The following PIEZO2 variants were observed in gnomAD, a reference collection of about 807,000 sequenced individuals.
PIEZO2 encodes piezo type mechanosensitive ion channel component 2.
A neutral mutation model predicts 337.3 loss-of-function variants in PIEZO2; 172 were observed. The ratio of observed to expected loss-of-function variants is 0.51; its 90% CI spans 0.45 to 0.58. The LOEUF is 0.58. Among genes scored for constraint, PIEZO2 ranks in the 20% least tolerant of loss-of-function variants. PIEZO2 has a pLI of 0.00. For missense variants in PIEZO2, 3,028 were observed against 3,391.3 expected, an observed-to-expected ratio of 0.89 and a Z score of 2.66; for synonymous variants, 1,251 against 1,228.5, an observed-to-expected ratio of 1.02 and a Z score of -0.38.
Position 11,125,230 on chromosome 18 carries a change from AG to A in PIEZO2, c.64+23294del, listed in dbSNP as rs984660397. 6.6e-6 allele frequency among the ~76,000 whole-genome samples: 1 copy of A among 152,204 alleles called. No homozygotes were observed. Among genetic ancestry groups the A allele is most frequent in the Non-Finnish European group, 1.5e-5 (1 of 68,032 alleles). ...CAGGCAGGATGGGGATACTGCAATA[AG>A]CAAGAAAACCATTATAAGCCCTCTT... is the stretch of plus-strand genomic sequence containing the variant. On this transcript the variant is annotated intron_variant, in intron 1 of 55. Transcript: ENST00000674853. This position sits in a 1 kb window ranked among gnomAD's most constrained non-coding sequence, Gnocchi z 4.4.
chr18:11,007,044 C>T lies in PIEZO2; in HGVS notation c.161-27384G>A, dbSNP rs116460404. Among the ~76,000 whole-genome samples, 1,313 of 152,206 alleles carry T rather than the reference C, an allele frequency of 8.6e-3. 23 individuals carry two copies. The highest frequency in any genetic ancestry group is 0.03 in the African/African-American group (1,230 of 41,532). ...GAATTGGGAACATTTCAAAACTACT[C>T]CTCTATTTATTTTGAGGTATACAAT... is the stretch of plus-strand genomic sequence containing the variant. On this transcript the variant is annotated intron_variant, in intron 2 of 55. Transcript: ENST00000674853.
In PIEZO2 at chr18:10,791,222, T is replaced by A. The variant is rs376057592; in HGVS notation, c.1861A>T (p.Ser621Cys). ...EALLSEVKIGSQENEEKDEEL... is the reference protein window; with the variant it reads ...EALLSEVKIGCQENEEKDEEL... ...TTACCTTTTTCTTCATTTTCCTGACTGCCAATTTTGACTTCCGATAAAAGA... is the reference window on the plus strand; with the variant it reads ...TTACCTTTTTCTTCATTTTCCTGACAGCCAATTTTGACTTCCGATAAAAGA... The change falls in exon 14 of 56, where the codon AGT becomes TGT. Residue 621 changes from serine to cysteine, a missense_variant. Transcript: ENST00000674853. 371 of 1,536,034 alleles carry A rather than the reference T, an allele frequency of 2.4e-4. 1 individual carries two copies. The highest frequency in any genetic ancestry group is 1.6e-4 in the Non-Finnish European group (184 of 1,146,260).
Position 10,736,651 on chromosome 18 carries a change from C to A in PIEZO2, c.4768G>T (p.Glu1590Ter). The change falls in exon 34 of 56, where the codon GAA becomes TAA. Residue 1590 changes from glutamate to a stop codon, truncating the protein, a stop_gained. Coordinates refer to ENST00000674853, the MANE Select transcript of PIEZO2 (RefSeq NM_001378183.1). LOFTEE classifies it high-confidence loss of function. ...ETDSEEEEEE[E>*]LKKEDEEPPR... is the part of the protein sequence containing the mutation. ...GGTTCTTCATCTTCCTTCTTTAATT[C>A]TTCCTCTTCCTCCTCTTCACTATCC... The A allele has an allele frequency of 6.5e-7, 1 of 1,537,118 alleles. No homozygotes were observed. The highest frequency in any genetic ancestry group is 8.7e-7 in the Non-Finnish European group (1 of 1,146,824).
chr18:10,990,712 T>TAC (rs908826536), intron 2 of PIEZO2, among the ~76,000 whole-genome samples: 5 of 150,504 alleles, frequency 3.3e-5, no homozygotes, highest in South Asian at 2.1e-4. Flanking sequence ...TATATACGTG[T>TAC]ACACACACAC....
At chr18:11,040,057 T>C (rs961840560) in intron 2 of PIEZO2, among the ~76,000 whole-genome samples, 6 of 152,012 alleles carry the variant, frequency 3.9e-5, no homozygotes, top group Non-Finnish European at 7.4e-5. Flanking sequence ...TGCTTTAACT[T>C]TTCAGGAAAA....
intron 7 of PIEZO2, among the ~76,000 whole-genome samples, chr18:10,825,449 CTT>C (rs1467359988): frequency 4.0e-5 from 6 of 151,758 alleles, no homozygotes; most frequent in Non-Finnish European, 7.4e-5. Flanking sequence ...ATCAACATGA[CTT>C]ATACCTGATG....
rs531307047 is a variant in PIEZO2, at chr18:11,037,004, C to T, written c.160+29123G>A. On this transcript the variant is annotated intron_variant, in intron 2 of 55. Coordinates refer to ENST00000674853, the MANE Select transcript of PIEZO2 (RefSeq NM_001378183.1). Reference sequence around the variant, plus strand: ...TGTGTGTGACAGAGCGAGACTCTGTCGCCCAGGTTGGAGTGCAATGGCACG... The same window carrying T: ...TGTGTGTGACAGAGCGAGACTCTGTTGCCCAGGTTGGAGTGCAATGGCACG... 5.8e-4 allele frequency among the ~76,000 whole-genome samples: 89 copies of T among 152,204 alleles called. 1 individual carries two copies. In the South Asian group the frequency reaches 0.018, roughly 31 times the overall value.
chr18:10,757,669 G>T (rs1289949177), intron 27 of PIEZO2, among the ~76,000 whole-genome samples: 1 of 151,750 alleles, frequency 6.6e-6, no homozygotes, highest in East Asian at 1.9e-4. Context: ...GATAAGAGAT[G>T]AGCAGGAGGA....
intron 1 of PIEZO2, among the ~76,000 whole-genome samples, chr18:11,075,777 G>A (rs2038512423): frequency 6.8e-6 from 1 of 146,588 alleles, no homozygotes; most frequent in Non-Finnish European, 1.5e-5. Context: ...GGCGAATAGA[G>A]ATATATTTCT....
chr18:10,937,763 G>A (rs573688781), intron 3 of PIEZO2, among the ~76,000 whole-genome samples: 2 of 152,206 alleles, frequency 1.3e-5, no homozygotes, highest in South Asian at 2.1e-4. Context: ...AGCAATCCAG[G>A]ATGTCCTAGG....
At position 10,970,676 on chromosome 18, in the gene PIEZO2, A is replaced by T. The variant is rs935162741; in HGVS notation, c.286+8859T>A. 1.1e-4 allele frequency among the ~76,000 whole-genome samples: 16 copies of T among 143,214 alleles called. 1 individual carries two copies. The highest frequency in any genetic ancestry group is 3.0e-4 in the African/African-American group (11 of 36,926). The allele number at this position is 143,214 out of a possible 152,430, so 94.0% of individuals were successfully genotyped here. A position where few individuals can be genotyped will look rare whatever the true frequency, so the allele number is the denominator to read the frequency against. ...AAAGATGTTTCACACACACACACACACACACACACACACACACACACACAC... is the reference window on the plus strand; with the variant it reads ...AAAGATGTTTCACACACACACACACTCACACACACACACACACACACACAC... On this transcript the variant is annotated intron_variant, in intron 3 of 55. Coordinates refer to ENST00000674853, the MANE Select transcript of PIEZO2 (RefSeq NM_001378183.1).
intron 1 of PIEZO2, among the ~76,000 whole-genome samples, chr18:11,122,468 C>A (rs1458290255): frequency 6.6e-6 from 1 of 152,136 alleles, no homozygotes; most frequent in African/African-American, 2.4e-5. Context: ...AATTTTCCTT[C>A]CTCTAAATTC....
chr18:10,698,752 G>A (rs957096859), intron 44 of PIEZO2, among the ~76,000 whole-genome samples, 173 bp downstream of exon 44: 6 of 152,284 alleles, frequency 3.9e-5, no homozygotes, highest in Admixed American at 2.6e-4. Context: ...TCACACAGCT[G>A]AGGCAGGATT....
At chr18:10,703,844 G>T (rs1196125013) in intron 42 of PIEZO2, among the ~76,000 whole-genome samples, 1 of 152,182 alleles carries the variant, frequency 6.6e-6, no homozygotes, top group South Asian at 2.1e-4. Context: ...CTAAGCGGGT[G>T]CTTGTACAAT....
At chr18:10,806,596 G>C (rs954214887) in intron 8 of PIEZO2, among the ~76,000 whole-genome samples, 1 of 152,034 alleles carries the variant, frequency 6.6e-6, no homozygotes, top group African/African-American at 2.4e-5. Context: ...CACAGGCTAA[G>C]AGCGCTGGAG....
chr18:10,973,459 G>C lies in PIEZO2; in HGVS notation c.286+6076C>G, dbSNP rs1254856378. Among the ~76,000 whole-genome samples the C allele has an allele frequency of 6.6e-6, 1 of 152,218 alleles. No homozygotes were observed. ...TGAGGCAGTGCCTCAATCACCAGGG[G>C]TGGAAGAAAACAGCACTTAAGGCAA... On this transcript the variant is annotated intron_variant, in intron 3 of 55. Transcript: ENST00000674853. The surrounding 1 kb of genome is among the most constrained non-coding windows in gnomAD (Gnocchi z 4.9).
chr18:10,724,521 C>T lies in PIEZO2; in HGVS notation c.5030-6262G>A. 1 of 473,274 alleles carries T rather than the reference C, an allele frequency of 2.1e-6. No homozygotes were observed. Among genetic ancestry groups the T allele is most frequent in the Non-Finnish European group, 3.7e-6 (1 of 267,212 alleles). 29.3% of individuals were successfully genotyped at this position (473,274 alleles called of 1,614,324 possible). A position where few individuals can be genotyped will look rare whatever the true frequency, so the allele number is the denominator to read the frequency against. ...AGGGCCTGCTGGTCCTCTGGTCACACCCACTCATGCTGGTCTCCACATACC... is the reference window on the plus strand; with the variant it reads ...AGGGCCTGCTGGTCCTCTGGTCACATCCACTCATGCTGGTCTCCACATACC... On this transcript the variant is annotated intron_variant, in intron 36 of 55. Transcript: ENST00000674853. This position sits in a 1 kb window ranked among gnomAD's most constrained non-coding sequence, Gnocchi z 5.8.
At chr18:10,883,816 C>CCTTTTTTTTT (rs2042494602) in intron 4 of PIEZO2, among the ~76,000 whole-genome samples, 1 of 122,832 alleles carries the variant, frequency 8.1e-6, no homozygotes, top group Non-Finnish European at 1.6e-5. Context: ...AGTCCTACTT[C>CCTTTTTTTTT]TTTTTTTTTT....
At chr18:10,820,860 A>G (rs530654217) in intron 7 of PIEZO2, among the ~76,000 whole-genome samples, 3 of 152,168 alleles carry the variant, frequency 2.0e-5, no homozygotes, top group Non-Finnish European at 4.4e-5. Context: ...CGGTATGATT[A>G]GCTCAGTCCC....
Sources: gnomAD v4.1 joint callset for allele counts (sites outside exome capture counted in the v4.1 genomes callset) on GRCh38, gnomAD v4.1.1 for gene constraint, Gnocchi (gnomAD v3.1) non-coding constraint, MANE v1.5 for transcripts, NCBI Gene and HGNC (gene_info 2026-07-23, HGNC 2026-07-21) for gene names.